MATN2: variants seen among roughly 807,000 people sequenced by gnomAD.
The protein encoded by MATN2 is matrilin 2.
MATN2 carries 69 observed loss-of-function variants against 103.2 expected under a neutral mutation model. The observed-to-expected ratio is 0.67, with a 90% confidence interval of 0.55 to 0.82. The LOEUF (loss-of-function observed/expected upper bound fraction) is 0.82, where lower values mean the gene tolerates loss of function less well. Among genes scored for constraint, MATN2 ranks in the 40% least tolerant of loss-of-function variants. MATN2 has a pLI of 0.00. For synonymous variants in MATN2, 429 were observed against 450.2 expected, an observed-to-expected ratio of 0.95 and a Z score of 0.60; for missense variants, 1,023 against 1,211.5, an observed-to-expected ratio of 0.84 and a Z score of 2.31.
At chr8:97,900,711 G>T (rs62521912) in intron 2 of MATN2, among the ~76,000 whole-genome samples, 1 of 152,142 alleles carries the variant, frequency 6.6e-6, no homozygotes, top group Non-Finnish European at 1.5e-5. Context: ...CGAGGTGGGC[G>T]GATCACGAGG....
At chr8:97,964,299 G>A (rs1284758204) in intron 5 of MATN2, among the ~76,000 whole-genome samples, 1 of 152,170 alleles carries the variant, frequency 6.6e-6, no homozygotes, top group African/African-American at 2.4e-5. Context: ...GAAATTTAGA[G>A]GAGAGGCTGG....
intron 4 of MATN2, among the ~76,000 whole-genome samples, chr8:97,952,984 G>T (rs887173028): frequency 2.7e-5 from 4 of 145,774 alleles, no homozygotes; most frequent in Admixed American, 7.0e-5. Context: ...GTGCAGTGGC[G>T]CAATCATAGC....
At chr8:97,988,492 G>A (rs1438848914) in intron 6 of MATN2, among the ~76,000 whole-genome samples, 1 of 151,812 alleles carries the variant, frequency 6.6e-6, no homozygotes, top group African/African-American at 2.4e-5. Flanking sequence ...TGGGCATGGT[G>A]GCAAGTGCCT....
Position 97,931,255 on chromosome 8 carries a change from T to TG in MATN2, c.445_446insG (p.Ser149CysfsTer35). On this transcript the variant is annotated frameshift_variant, in exon 3 of 19. Coordinates refer to ENST00000254898, the MANE Select transcript of MATN2 (RefSeq NM_002380.5). LOFTEE classifies it high-confidence loss of function. This position sits in a 1 kb window ranked among gnomAD's most constrained non-coding sequence, Gnocchi z 4.1. Reference sequence around the variant, plus strand: ...CCAGTATGCCCTGAACATCGCATTCTCAGAAGCAGAGGGGGCCCGGCCCCT... The same window carrying TG: ...CCAGTATGCCCTGAACATCGCATTCTGCAGAAGCAGAGGGGGCCCGGCCCCT... The TG allele has an allele frequency of 6.2e-7, 1 of 1,613,836 alleles. No homozygotes were observed. The highest frequency in any genetic ancestry group is 1.3e-5 in the African/African-American group (1 of 75,016).
At position 98,016,570 on chromosome 8, in the gene MATN2, G is replaced by C. The variant is rs1280768443; in HGVS notation, c.1604G>C (p.Gly535Ala). 2 of 1,610,918 alleles carry C rather than the reference G, an allele frequency of 1.2e-6. No individual in the cohort carries two copies. Among genetic ancestry groups the C allele is most frequent in the East Asian group, 4.5e-5 (2 of 44,838 alleles). The change falls in exon 11 of 19, where the codon GGT becomes GCT. Residue 535 changes from glycine to alanine, a missense_variant. By Grantham distance (60) the Gly-to-Ala change is moderately conservative. Coordinates refer to ENST00000254898, the MANE Select transcript of MATN2 (RefSeq NM_002380.5). ...GACTCTTGTGCTCTGGGGGACCACGGTTGTGAACATTCGTGTGTAAGCAGT... is the reference window on the plus strand; with the variant it reads ...GACTCTTGTGCTCTGGGGGACCACGCTTGTGAACATTCGTGTGTAAGCAGT... The part of the protein sequence containing the change: ...KLDSCALGDH[G>A]CEHSCVSSED...
intron 8 of MATN2, chr8:98,004,016 C>A: frequency 2.3e-6 from 1 of 438,340 alleles, no homozygotes; most frequent in Non-Finnish European, 4.2e-6. Context: ...AGGCTGGGCG[C>A]GGTGGCTCAC....
At chr8:97,986,615 C>G (rs1388538141) in intron 6 of MATN2, among the ~76,000 whole-genome samples, 4 of 152,222 alleles carry the variant, frequency 2.6e-5, no homozygotes, top group Non-Finnish European at 5.9e-5. Flanking sequence ...TTCTTTTGTT[C>G]CTTTTTATGG....
chr8:97,881,732 C>T (rs1309870783), intron 1 of MATN2, among the ~76,000 whole-genome samples: 4 of 152,244 alleles, frequency 2.6e-5, no homozygotes, highest in South Asian at 2.1e-4. Context: ...ATGCTGACAG[C>T]TGTAAATGCC....
intron 1 of MATN2, among the ~76,000 whole-genome samples, chr8:97,874,279 C>T (rs1052529407): frequency 5.3e-5 from 8 of 152,184 alleles, no homozygotes; most frequent in Admixed American, 2.6e-4. Flanking sequence ...CTGCCTTTTC[C>T]AACTTCCAGA....
intron 13 of MATN2, chr8:98,024,981 T>TG (rs1176357882): frequency 5.9e-5 from 9 of 152,184 alleles, no homozygotes; most frequent in Non-Finnish European, 1.0e-4. Flanking sequence ...ATTCTATGTG[T>TG]GGGGGTTGCA....
Position 98,035,367 on chromosome 8 carries a change from G to GA in MATN2, c.2816-282dup, listed in dbSNP as rs200092126. ...AGCGAAACTCTGTCTCAAAAAAAGA[G>GA]AAAAAAAACAAAAATAAATAAAATT... On this transcript the variant is annotated intron_variant, in intron 18 of 18. Coordinates refer to ENST00000254898, the MANE Select transcript of MATN2 (RefSeq NM_002380.5). Among the ~76,000 whole-genome samples, 8 of 144,194 alleles carry GA rather than the reference G, an allele frequency of 5.5e-5. No individual in the cohort carries two copies. In the East Asian group the frequency reaches 6.1e-4, roughly 11 times the overall value. 94.6% of individuals were successfully genotyped at this position (144,194 alleles called of 152,430 possible). A position where few individuals can be genotyped will look rare whatever the true frequency, so the allele number is the denominator to read the frequency against.
At chr8:97,996,132 T>A (rs948284137) in intron 7 of MATN2, among the ~76,000 whole-genome samples, 10 of 152,176 alleles carry the variant, frequency 6.6e-5, no homozygotes, top group Admixed American at 4.6e-4. Context: ...CAGATGCTCA[T>A]TGCAAGCTTC....
At chr8:97,913,724 C>T (rs1809529138) in intron 2 of MATN2, among the ~76,000 whole-genome samples, 2 of 151,532 alleles carry the variant, frequency 1.3e-5, no homozygotes, top group African/African-American at 4.9e-5. Flanking sequence ...AAGCAATTCT[C>T]CTGCCTTAGT....
At chr8:97,984,548 A>G (rs1812131280) in intron 6 of MATN2, among the ~76,000 whole-genome samples, 1 of 152,168 alleles carries the variant, frequency 6.6e-6, no homozygotes, top group South Asian at 2.1e-4. Context: ...TAATTGTTGA[A>G]CTGAGATCCT....
At chr8:97,961,304 G>T in intron 4 of MATN2, 104 bp from the exon 5 acceptor site, 1 of 1,196,390 alleles carries the variant, frequency 8.4e-7, no homozygotes, top group Non-Finnish European at 1.1e-6. Context: ...GTTTTTAAAA[G>T]TTACTTTGGT....
intron 3 of MATN2, among the ~76,000 whole-genome samples, chr8:97,933,762 A>ACT (rs1810280289): frequency 6.6e-6 from 1 of 152,130 alleles, no homozygotes; most frequent in Admixed American, 6.6e-5. Context: ...ACTCTGCAGG[A>ACT]GACAGGGCTG....
At chr8:97,999,686 G>A (rs1812714564) in intron 7 of MATN2, among the ~76,000 whole-genome samples, 1 of 152,068 alleles carries the variant, frequency 6.6e-6, no homozygotes, top group African/African-American at 2.4e-5. Context: ...ATGGGAGTGA[G>A]CTCCAGAGAG....
chr8:97,962,170 T>C (rs544415283), intron 5 of MATN2, among the ~76,000 whole-genome samples: 2 of 152,342 alleles, frequency 1.3e-5, no homozygotes, highest in East Asian at 3.9e-4. Context: ...CATTCCTCCT[T>C]ATACCAACAA....
intron 8 of MATN2, among the ~76,000 whole-genome samples, chr8:98,006,314 T>C (rs1211945161): frequency 6.6e-6 from 1 of 152,270 alleles, no homozygotes; most frequent in Non-Finnish European, 1.5e-5. Context: ...TGAAACTATA[T>C]GACTAATTCT....
Sources: allele counts gnomAD v4.1 joint callset (sites outside exome capture counted in the v4.1 genomes callset), GRCh38; gene constraint gnomAD v4.1.1; non-coding constraint Gnocchi (gnomAD v3.1); transcripts MANE v1.5; gene names NCBI Gene and HGNC (gene_info 2026-07-23, HGNC 2026-07-21).